Variants in FPR3 observed in about 807,000 individuals in gnomAD.
FPR3 encodes the protein N-formyl peptide receptor 3.
For synonymous variants in FPR3, 135 were observed against 163.6 expected, an observed-to-expected ratio of 0.83 and a Z score of 1.34; for missense variants, 346 against 443.2, an observed-to-expected ratio of 0.78 and a Z score of 1.97.
At chr19:51,813,267 A>G (rs1478159399) in intron 1 of FPR3, among the ~76,000 whole-genome samples, 1 of 152,056 alleles carries the variant, frequency 6.6e-6, no homozygotes, top group Non-Finnish European at 1.5e-5. Context: ...AGTGCTTTCT[A>G]TGAGTCCTCA....
At chr19:51,795,468 A>G (rs1455369118) in intron 1 of FPR3, 137 bp downstream of exon 1, 1 of 143,046 alleles carries the variant, frequency 7.0e-6, no homozygotes, top group African/African-American at 2.6e-5. Context: ...TATTTCATTA[A>G]CAGTGTTTAA....
In FPR3 at chr19:51,823,677, T is replaced by C. The variant is rs1255395369; in HGVS notation, c.-10-62T>C. The C allele has an allele frequency of 8.7e-6, 11 of 1,267,692 alleles. No homozygotes were observed. In the African/African-American group the frequency reaches 1.5e-4, roughly 17 times the overall value. The allele number at this position is 1,267,692 out of a possible 1,614,324, so 78.5% of individuals were successfully genotyped here. The stretch of plus-strand genomic sequence containing the variant: ...GAGGAGGAGCTACAGTGGAAGTTAA[T>C]GAATAGTTGTATTGTAAGATGGTGT... On this transcript the variant is annotated intron_variant, in intron 1 of 1. Transcript: ENST00000339223.
intron 1 of FPR3, among the ~76,000 whole-genome samples, chr19:51,816,420 G>T (rs926364630): frequency 1.2e-4 from 19 of 152,088 alleles, no homozygotes; most frequent in African/African-American, 4.3e-4. Flanking sequence ...GTTAATTTTT[G>T]TGTTTTTAGT....
At chr19:51,802,220 G>A (rs1031172400) in intron 1 of FPR3, among the ~76,000 whole-genome samples, 5 of 151,534 alleles carry the variant, frequency 3.3e-5, no homozygotes, top group African/African-American at 9.7e-5. Context: ...AAAAAAATTC[G>A]TAAAAATGCC....
At position 51,824,819 on chromosome 19, in the gene FPR3, A is replaced by T; in HGVS notation, c.*9A>T. On this transcript the variant is annotated 3_prime_UTR_variant, in exon 2 of 2. Coordinates refer to ENST00000339223, the MANE Select transcript of FPR3 (RefSeq NM_002030.5). The surrounding 1 kb of genome is among the most constrained non-coding windows in gnomAD (Gnocchi z 4.7). ...AGTTACAAGCAATGTGAGGTCGGGG[A>T]TATTTTTGGGCTCTGTCTCTTTCTA... 1 of 1,595,442 alleles carries T rather than the reference A, an allele frequency of 6.3e-7. No homozygotes were observed. The highest frequency in any genetic ancestry group is 8.5e-7 in the Non-Finnish European group (1 of 1,169,628).
rs58620565 is a variant in FPR3 at position 51,795,504 on chromosome 19, C to CTTTTTTT, written c.-11+196_-11+202dup. On this transcript the variant is annotated intron_variant, in intron 1 of 1. Transcript: ENST00000339223. ...TTTGGTTACATGTTCCAGTAACATTCTTTTTTTTTTTTTTTTTTTTTTTTT... is the reference window on the plus strand; with the variant it reads ...TTTGGTTACATGTTCCAGTAACATTCTTTTTTTTTTTTTTTTTTTTTTTTTTTTTTTT... 2.7e-3 allele frequency among the ~76,000 whole-genome samples: 204 copies of CTTTTTTT among 74,700 alleles called. 34 individuals are homozygous for CTTTTTTT. Among genetic ancestry groups the CTTTTTTT allele is most frequent in the East Asian group, 0.012 (21 of 1,808 alleles). The allele number at this position is 74,700 out of a possible 152,430, so 49.0% of individuals were successfully genotyped here.
intron 1 of FPR3, among the ~76,000 whole-genome samples, chr19:51,820,233 G>A (rs2084178051): frequency 6.6e-6 from 1 of 152,130 alleles, no homozygotes; most frequent in Non-Finnish European, 1.5e-5. Flanking sequence ...GAAGTGCCGA[G>A]TTTCCATTAT....
intron 1 of FPR3, among the ~76,000 whole-genome samples, chr19:51,812,059 C>G (rs192504401): frequency 5.3e-5 from 8 of 152,320 alleles, no homozygotes; most frequent in Admixed American, 5.2e-4. Flanking sequence ...TACCCATAGT[C>G]ATACCTATTG....
chr19:51,816,788 T>A (rs971088765), intron 1 of FPR3, among the ~76,000 whole-genome samples: 4 of 152,134 alleles, frequency 2.6e-5, no homozygotes, highest in African/African-American at 7.2e-5. Flanking sequence ...TTAGACAGCA[T>A]CAGAACTGAA....
chr19:51,803,604 A>C (rs1237703574), intron 1 of FPR3, among the ~76,000 whole-genome samples: 6 of 152,178 alleles, frequency 3.9e-5, no homozygotes, highest in Non-Finnish European at 7.3e-5. Flanking sequence ...TCCAAAAAAA[A>C]AAAAAAAATG....
chr19:51,817,155 T>G (rs1380660006), intron 1 of FPR3, among the ~76,000 whole-genome samples: 1 of 152,184 alleles, frequency 6.6e-6, no homozygotes, highest in East Asian at 1.9e-4. Flanking sequence ...CTTCTGGGAA[T>G]GGTAAGAAAC....
Position 51,824,565 on chromosome 19 carries a change from T to C in FPR3, c.817T>C (p.Leu273=). ...GGCAGTCTGGCTCAAAGAGATGTTG[T>C]TAAATGGCAAATACAAAATCATTCT... ...LMAVWLKEML[L]NGKYKIILVL... The change falls in exon 2 of 2, where the codon TTA becomes CTA. Residue 273 remains leucine, a synonymous_variant. Coordinates refer to ENST00000339223, the MANE Select transcript of FPR3 (RefSeq NM_002030.5). The surrounding 1 kb of genome is among the most constrained non-coding windows in gnomAD (Gnocchi z 4.7). The C allele has an allele frequency of 2.5e-6, 4 of 1,614,176 alleles. No individual in the cohort carries two copies. The highest frequency in any genetic ancestry group is 1.1e-5 in the South Asian group (1 of 91,084).
chr19:51,821,260 C>T (rs567028026), intron 1 of FPR3, among the ~76,000 whole-genome samples: 84 of 152,304 alleles, frequency 5.5e-4, no homozygotes, highest in African/African-American at 1.8e-3. Flanking sequence ...AAGGTGCCAA[C>T]GATAAGAGTA....
At chr19:51,799,853 C>T (rs1029149134) in intron 1 of FPR3, among the ~76,000 whole-genome samples, 3 of 152,230 alleles carry the variant, frequency 2.0e-5, no homozygotes, top group African/African-American at 7.2e-5. Context: ...CCTAGGGCCT[C>T]GGTAGTGGTC....
intron 1 of FPR3, among the ~76,000 whole-genome samples, chr19:51,795,536 T>C (rs1486699974): frequency 8.1e-6 from 1 of 123,080 alleles, no homozygotes; most frequent in African/African-American, 3.0e-5. Flanking sequence ...TTTTTTTTGA[T>C]GGAGTCTTGC....
At chr19:51,810,150 G>C (rs1452311171) in intron 1 of FPR3, among the ~76,000 whole-genome samples, 2 of 152,106 alleles carry the variant, frequency 1.3e-5, no homozygotes, top group African/African-American at 4.8e-5. Context: ...TTTGACCCTT[G>C]GCTCCTTTTA....
chr19:51,815,414 G>C (rs2084127889), intron 1 of FPR3, among the ~76,000 whole-genome samples: 1 of 152,082 alleles, frequency 6.6e-6, no homozygotes, highest in African/African-American at 2.4e-5. Context: ...ACAAAAATTA[G>C]CCAGGCATGG....
chr19:51,821,368 TA>T (rs1156885381), intron 1 of FPR3, among the ~76,000 whole-genome samples: 1 of 152,174 alleles, frequency 6.6e-6, no homozygotes, highest in Non-Finnish European at 1.5e-5. Flanking sequence ...TGACAATGTC[TA>T]TAGACACTTT....
intron 1 of FPR3, among the ~76,000 whole-genome samples, chr19:51,800,749 AT>A (rs1192756334): frequency 6.6e-6 from 1 of 150,760 alleles, no homozygotes; most frequent in South Asian, 2.1e-4. Flanking sequence ...TCTCAATACC[AT>A]TTTTTTTTCT....
Sources: allele counts gnomAD v4.1 joint callset (sites outside exome capture counted in the v4.1 genomes callset), GRCh38; gene constraint gnomAD v4.1.1; non-coding constraint Gnocchi (gnomAD v3.1); transcripts MANE v1.5; gene names NCBI Gene and HGNC (gene_info 2026-07-23, HGNC 2026-07-21).